Variants in TBC1D5 observed in about 807,000 individuals in gnomAD.
TBC1D5 encodes the protein TBC1 domain family member 5.
Under a neutral mutation model 100.3 loss-of-function variants are expected in TBC1D5, and 75 were observed. That is an observed-to-expected ratio of 0.75 (90% CI 0.62 to 0.91). The LOEUF is 0.91. TBC1D5 is among the 40% of genes least tolerant of loss of function. TBC1D5 has a pLI of 0.00. For synonymous variants in TBC1D5, 323 were observed against 325.6 expected, an observed-to-expected ratio of 0.99 and a Z score of 0.09; for missense variants, 910 against 942.4, an observed-to-expected ratio of 0.97 and a Z score of 0.45.
chr3:17,651,996 A>G (rs529178806), intron 1 of TBC1D5, among the ~76,000 whole-genome samples: 1 of 152,320 alleles, frequency 6.6e-6, no homozygotes, highest in East Asian at 1.9e-4. Flanking sequence ...CTAGGTTGAA[A>G]GGGTGTCAGC....
At chr3:17,439,887 G>T (rs2094613382) in intron 3 of TBC1D5, among the ~76,000 whole-genome samples, 1 of 152,148 alleles carries the variant, frequency 6.6e-6, no homozygotes, top group African/African-American at 2.4e-5. Context: ...CACTTATTGA[G>T]CATTTTATTC....
At chr3:17,409,698 G>T (rs576199099) in intron 4 of TBC1D5, among the ~76,000 whole-genome samples, 44 of 152,150 alleles carry the variant, frequency 2.9e-4, no homozygotes, top group African/African-American at 1.0e-3. Flanking sequence ...GAATGGTCTG[G>T]ATAGAAAATC....
intron 16 of TBC1D5, among the ~76,000 whole-genome samples, chr3:17,257,018 G>A (rs1371158400): frequency 6.6e-6 from 1 of 151,964 alleles, no homozygotes; most frequent in Non-Finnish European, 1.5e-5. Flanking sequence ...GAGAAGGAGA[G>A]AGTGGAAGGA....
At chr3:17,345,447 T>C (rs1018535576) in intron 13 of TBC1D5, among the ~76,000 whole-genome samples, 1 of 151,922 alleles carries the variant, frequency 6.6e-6, no homozygotes, top group Non-Finnish European at 1.5e-5. Context: ...TGTGGAGAAA[T>C]AGGAACACTT....
At chr3:17,172,486 A>G (rs2067258311) in intron 19 of TBC1D5, among the ~76,000 whole-genome samples, 1 of 152,228 alleles carries the variant, frequency 6.6e-6, no homozygotes, top group Non-Finnish European at 1.5e-5. Context: ...GGCAGAATAA[A>G]TTTTGCCATA....
chr3:17,222,839 C>G (rs1258765543), intron 17 of TBC1D5, among the ~76,000 whole-genome samples: 3 of 151,776 alleles, frequency 2.0e-5, no homozygotes, highest in Admixed American at 6.6e-5. Context: ...TCTCTAGACT[C>G]TCAACATTTG....
intron 3 of TBC1D5, among the ~76,000 whole-genome samples, chr3:17,494,221 C>A (rs985067916): frequency 6.6e-6 from 1 of 152,144 alleles, no homozygotes; most frequent in South Asian, 2.1e-4. Context: ...GGGTCACCCC[C>A]CAACCCGGCA....
Position 17,368,260 on chromosome 3 carries a change from T to G in TBC1D5, c.995+3815A>C, listed in dbSNP as rs559369251. On this transcript the variant is annotated intron_variant, in intron 13 of 21. Coordinates refer to ENST00000253692, the Ensembl canonical transcript of TBC1D5. ...AATTTAGAATGAGATTATCAAATTT[T>G]AGTGCAAGTAATAGTTTTGTACTAT... Among the ~76,000 whole-genome samples the G allele has an allele frequency of 6.6e-5, 10 of 152,290 alleles. No homozygotes were observed. The East Asian group carries it at 1.9e-3, about 29-fold the overall frequency.
At chr3:17,222,702 T>C (rs2074415818) in intron 17 of TBC1D5, among the ~76,000 whole-genome samples, 1 of 152,106 alleles carries the variant, frequency 6.6e-6, no homozygotes, top group African/African-American at 2.4e-5. Context: ...ATGGGGTTCC[T>C]AGGGTGTGTC....
chr3:17,161,385 A>AGAC, intron 21 of TBC1D5, 129 bp from the exon 23 acceptor site: 2 of 1,069,164 alleles, frequency 1.9e-6, no homozygotes, highest in Non-Finnish European at 2.6e-6. Flanking sequence ...CGACCTTGAA[A>AGAC]GACGCAGTGT....
At chr3:17,310,344 T>C (rs2083879181) in intron 13 of TBC1D5, among the ~76,000 whole-genome samples, 1 of 152,096 alleles carries the variant, frequency 6.6e-6, no homozygotes, top group African/African-American at 2.4e-5. Flanking sequence ...ACACAATGCA[T>C]GTCTTTAGCA....
chr3:17,428,311 T>C (rs1272794778), intron 4 of TBC1D5, 139 bp downstream of exon 4: 1 of 250,676 alleles, frequency 4.0e-6, no homozygotes, highest in Non-Finnish European at 7.6e-6. Context: ...GGTCACCTTG[T>C]TAAAACACAA....
intron 19 of TBC1D5, among the ~76,000 whole-genome samples, chr3:17,179,594 G>A (rs1388561234): frequency 1.3e-5 from 2 of 152,140 alleles, no homozygotes; most frequent in African/African-American, 2.4e-5. Context: ...CTGGACTCTC[G>A]TTGCCAGCTA....
intron 18 of TBC1D5, among the ~76,000 whole-genome samples, chr3:17,211,989 C>G (rs1408962581): frequency 2.1e-4 from 32 of 152,292 alleles, no homozygotes; most frequent in Non-Finnish European, 7.4e-5. Flanking sequence ...ACGCCAGAAG[C>G]TGAGTGTCTT....
chr3:17,581,609 A>G (rs1344963169), intron 2 of TBC1D5, among the ~76,000 whole-genome samples: 1 of 152,170 alleles, frequency 6.6e-6, no homozygotes, highest in Middle Eastern at 3.2e-3. Context: ...TGCATAACTC[A>G]AATCCAATCC....
intron 13 of TBC1D5, among the ~76,000 whole-genome samples, chr3:17,308,822 G>A (rs17043349): frequency 0.018 from 2,740 of 152,022 alleles, 82 homozygotes; most frequent in African/African-American, 0.062. Flanking sequence ...ATGCCACAGA[G>A]TAAACATAAG....
chr3:17,332,375 A>G (rs2086999513), intron 13 of TBC1D5, among the ~76,000 whole-genome samples: 1 of 152,196 alleles, frequency 6.6e-6, no homozygotes, highest in African/African-American at 2.4e-5. Flanking sequence ...GAGAAAATCA[A>G]TAATGCAGTT....
intron 3 of TBC1D5, among the ~76,000 whole-genome samples, chr3:17,459,065 A>T (rs2095149483): frequency 6.6e-6 from 1 of 152,220 alleles, no homozygotes; most frequent in Non-Finnish European, 1.5e-5. Flanking sequence ...TTTTCCATTA[A>T]GTTTAAAGAA....
chr3:17,447,264 C>T (rs1481436910), intron 3 of TBC1D5, among the ~76,000 whole-genome samples: 1 of 152,204 alleles, frequency 6.6e-6, no homozygotes, highest in African/African-American at 2.4e-5. Flanking sequence ...AAAGCTACTG[C>T]TGTAGCTGAA....
Sources: gnomAD v4.1 joint callset for allele counts (sites outside exome capture counted in the v4.1 genomes callset) on GRCh38, gnomAD v4.1.1 for gene constraint, MANE v1.5 for transcripts, NCBI Gene and HGNC (gene_info 2026-07-23, HGNC 2026-07-21) for gene names.